Variants in FRYL observed in about 807,000 individuals in gnomAD.
FRYL encodes the protein protein furry homolog-like.
Under a neutral mutation model 351.2 loss-of-function variants are expected in FRYL, and 150 were observed. The ratio of observed to expected loss-of-function variants is 0.43; its 90% CI spans 0.37 to 0.49. The LOEUF is 0.49. FRYL is among the 20% of genes least tolerant of loss of function. The probability of loss-of-function intolerance (pLI) is 0.00; values close to 1 mark genes in which losing one functional copy is unlikely to be tolerated. For missense variants in FRYL, 3,036 were observed against 3,619.3 expected (o/e 0.84, Z 4.13); for synonymous variants, 1,153 against 1,257.1 (o/e 0.92, Z 1.75).
chr4:48,547,721 A>G lies in FRYL; in HGVS notation c.4937T>C (p.Leu1646Pro). ...PEVYEHCKRL[L>P]LHLLIVMGPN... is the part of the protein sequence containing the mutation. Reference sequence around the variant, plus strand: ...TCCCATTACTATTAATAAGTGCAGAAGCAGGCGTTTACAATGTTCATACAC... The same window carrying G: ...TCCCATTACTATTAATAAGTGCAGAGGCAGGCGTTTACAATGTTCATACAC... The change falls in exon 41 of 64, where the codon CTT (leucine) becomes CCT (proline). Residue 1646 changes from leucine to proline, a missense_variant. Physicochemically the swap from Leu to Pro is moderately conservative, Grantham distance 98 (BLOSUM62 -3). Around this residue, in one of 7 missense-constraint regions of FRYL, gnomAD observed 1,987 missense variants for 2,311.7 expected, o/e 0.86. Transcript: ENST00000358350. The G allele has an allele frequency of 2.5e-6, 4 of 1,585,298 alleles. No individual in the cohort carries two copies. Among genetic ancestry groups the G allele is most frequent in the Non-Finnish European group, 3.4e-6 (4 of 1,160,910 alleles).
intron 25 of FRYL, 124 bp from the exon 26 acceptor site, chr4:48,573,367 T>C: frequency 3.2e-6 from 2 of 623,472 alleles, no homozygotes; most frequent in Non-Finnish European, 5.5e-6. Context: ...TTAAACACAA[T>C]GTCTATTTTT....
intron 1 of FRYL, among the ~76,000 whole-genome samples, chr4:48,770,160 A>G (rs1397598511): frequency 6.6e-6 from 1 of 152,232 alleles, no homozygotes; most frequent in African/African-American, 2.4e-5. Context: ...TAAGGTTATT[A>G]ATATGTTATC....
intron 23 of FRYL, 104 bp downstream of exon 23, chr4:48,578,869 T>C: frequency 2.1e-6 from 2 of 960,978 alleles, no homozygotes; most frequent in Non-Finnish European, 1.6e-6. Context: ...TCACATATTA[T>C]TTATGGGCCT....
intron 1 of FRYL, among the ~76,000 whole-genome samples, chr4:48,751,404 G>A (rs1407755775): frequency 6.6e-6 from 1 of 152,144 alleles, no homozygotes; most frequent in Non-Finnish European, 1.5e-5. Flanking sequence ...AATTTCCAAA[G>A]TAAAATAATT....
At chr4:48,550,361 C>T (rs1460789067) in intron 38 of FRYL, 2 of 488,902 alleles carry the variant, frequency 4.1e-6, no homozygotes, top group Admixed American at 6.9e-5. Flanking sequence ...AGAACCAGTT[C>T]TTATGTTCCT....
chr4:48,545,496 C>T (rs1731145289), intron 42 of FRYL, among the ~76,000 whole-genome samples: 1 of 152,060 alleles, frequency 6.6e-6, no homozygotes, highest in South Asian at 2.1e-4. Context: ...ATGATGCCTC[C>T]CACCCTCCTC....
At position 48,540,151 on chromosome 4, in the gene FRYL, A is replaced by C. The variant is rs570145267; in HGVS notation, c.6296-83T>G. On this transcript the variant is annotated intron_variant, in intron 46 of 63. Transcript: ENST00000358350. Reference sequence around the variant, plus strand: ...TTAAAGTTATTTTTTTAGATGGTTCACAGAAACCATTTTCTTTTCATTTCC... The same window carrying C: ...TTAAAGTTATTTTTTTAGATGGTTCCCAGAAACCATTTTCTTTTCATTTCC... 6.6e-6 allele frequency: 8 copies of C among 1,216,306 alleles called. No individual in the cohort carries two copies. The African/African-American group carries it at 1.1e-4, about 16-fold the overall frequency. 75.3% of individuals were successfully genotyped at this position (1,216,306 alleles called of 1,614,324 possible).
intron 23 of FRYL, 82 bp from the exon 24 acceptor site, chr4:48,576,304 C>CTTTTT: frequency 1.3e-6 from 1 of 769,456 alleles, no homozygotes; most frequent in Non-Finnish European, 1.9e-6. Flanking sequence ...TGCTAAATTT[C>CTTTTT]TTTTTTTTTT....
At position 48,512,700 on chromosome 4, in the gene FRYL, GA is replaced by G; in HGVS notation, c.7938-13del. The G allele has an allele frequency of 6.3e-7, 1 of 1,585,256 alleles. No homozygotes were observed. Among genetic ancestry groups the G allele is most frequent in the Non-Finnish European group, 8.7e-7 (1 of 1,154,116 alleles). On this transcript the variant is annotated splice_polypyrimidine_tract_variant and intron_variant, in intron 56 of 63. Transcript: ENST00000358350. The stretch of plus-strand genomic sequence containing the variant: ...CTTCTTCATCTTGACTATTAACACA[GA>G]TATCATAAATATCATAACACTATCT...
chr4:48,737,125 C>T (rs1370136103), intron 1 of FRYL, among the ~76,000 whole-genome samples: 3 of 151,506 alleles, frequency 2.0e-5, no homozygotes, highest in African/African-American at 7.3e-5. Context: ...ACTAAAAATA[C>T]AAAAATTAGC....
intron 23 of FRYL, 81 bp from the exon 24 acceptor site, chr4:48,576,303 T>C: frequency 1.9e-6 from 2 of 1,068,572 alleles, no homozygotes; most frequent in Non-Finnish European, 2.6e-6. Flanking sequence ...ATGCTAAATT[T>C]CTTTTTTTTT....
intron 3 of FRYL, among the ~76,000 whole-genome samples, chr4:48,640,868 A>G (rs987795931): frequency 6.6e-6 from 1 of 152,196 alleles, no homozygotes; most frequent in Non-Finnish European, 1.5e-5. Flanking sequence ...CCAGAACCAA[A>G]GTGCCTGGGA....
At chr4:48,524,804 C>T (rs1725654873) in intron 53 of FRYL, among the ~76,000 whole-genome samples, 1 of 151,958 alleles carries the variant, frequency 6.6e-6, no homozygotes, top group Non-Finnish European at 1.5e-5. Flanking sequence ...TCTCTTTAAA[C>T]AAGAGGCAAA....
At chr4:48,525,205 T>G (rs1725835910) in intron 53 of FRYL, among the ~76,000 whole-genome samples, 1 of 133,064 alleles carries the variant, frequency 7.5e-6, no homozygotes. Flanking sequence ...ATACACACAC[T>G]TGGATGTGAT....
intron 16 of FRYL, among the ~76,000 whole-genome samples, chr4:48,592,173 C>G (rs1743543908): frequency 6.8e-6 from 1 of 148,006 alleles, no homozygotes; most frequent in African/African-American, 2.6e-5. Context: ...CGACATAGTA[C>G]TGGTGCCCTC....
At chr4:48,641,459 GA>G (rs1755304908) in intron 3 of FRYL, among the ~76,000 whole-genome samples, 1 of 152,032 alleles carries the variant, frequency 6.6e-6, no homozygotes, top group East Asian at 1.9e-4. Flanking sequence ...AAAAACAAAA[GA>G]AAACAAAAGG....
chr4:48,719,832 A>G (rs1769261277), intron 1 of FRYL, among the ~76,000 whole-genome samples: 1 of 151,648 alleles, frequency 6.6e-6, no homozygotes, highest in Admixed American at 6.6e-5. Flanking sequence ...GAGCAAGGTA[A>G]TAATTTTATC....
At chr4:48,603,162 CCTTGTATTGCA>C in intron 12 of FRYL, 117 bp downstream of exon 12, 1 of 696,432 alleles carries the variant, frequency 1.4e-6, no homozygotes, top group Non-Finnish European at 2.5e-6. Context: ...TAAAACTTGC[CCTTGTATTGCA>C]CTTCAGGGAT....
chr4:48,523,932 A>C (rs1300665135), intron 53 of FRYL, among the ~76,000 whole-genome samples: 1 of 152,206 alleles, frequency 6.6e-6, no homozygotes, highest in Non-Finnish European at 1.5e-5. Flanking sequence ...CACAGCCATC[A>C]AAACATAACT....
Sources: allele counts gnomAD v4.1 joint callset (sites outside exome capture counted in the v4.1 genomes callset), GRCh38; gene constraint gnomAD v4.1.1; regional missense constraint gnomAD v4.1.1; transcripts MANE v1.5; gene names NCBI Gene and HGNC (gene_info 2026-07-23, HGNC 2026-07-21).